The following STEAP2 variants were observed in gnomAD, a reference collection of about 807,000 sequenced individuals.
STEAP2 encodes metalloreductase STEAP2.
In STEAP2, 30 loss-of-function variants were observed where a neutral mutation model predicts 46.4. The observed-to-expected ratio is 0.65, with a 90% CI of 0.48 to 0.88. The LOEUF (loss-of-function observed/expected upper bound fraction) is 0.88. STEAP2 is among the 40% of genes least tolerant of loss of function. STEAP2 has a pLI of 0.00. For synonymous variants in STEAP2, 180 were observed against 200.5 expected (o/e 0.90, Z 0.86); for missense variants, 513 against 579.3 (o/e 0.89, Z 1.18).
intron 2 of STEAP2, among the ~76,000 whole-genome samples, chr7:90,224,008 T>A (rs1314611628): frequency 6.6e-6 from 1 of 152,194 alleles, no homozygotes; most frequent in Non-Finnish European, 1.5e-5. Flanking sequence ...TCTTCTCTTG[T>A]CTTGTGAGCC....
At position 90,234,518 on chromosome 7, in the gene STEAP2, C is replaced by T. The variant is rs1471950688; in HGVS notation, c.*1894C>T. The stretch of plus-strand genomic sequence containing the variant: ...TTCACTTATGATTTTCTAATGTTCT[C>T]TTGGTGAATTTTATTATCTTGTACC... On this transcript the variant is annotated 3_prime_UTR_variant, in exon 6 of 6. Transcript: ENST00000394621. The T allele has an allele frequency of 4.3e-6, 4 of 930,446 alleles. No homozygotes were observed. The highest frequency in any genetic ancestry group is 5.1e-6 in the Non-Finnish European group (4 of 786,924). 57.6% of individuals were successfully genotyped at this position (930,446 alleles called of 1,614,324 possible).
chr7:90,238,134 T>C, downstream of STEAP2: 1 of 713,778 alleles, frequency 1.4e-6, no homozygotes, highest in East Asian at 2.7e-5. Context: ...AAAGAGTTTC[T>C]GCTGCTGCTG....
In STEAP2 at chr7:90,236,562, C is replaced by CA. The variant is rs1315687929; in HGVS notation, c.*3940dup. The CA allele has an allele frequency of 9.6e-7, 1 of 1,040,314 alleles. No individual in the cohort carries two copies. The highest frequency in any genetic ancestry group is 5.5e-5 in the Admixed American group (1 of 18,324). 64.4% of individuals were successfully genotyped at this position (1,040,314 alleles called of 1,614,324 possible). On this transcript the variant is annotated 3_prime_UTR_variant, in exon 6 of 6. Coordinates refer to ENST00000394621, the MANE Select transcript of STEAP2 (RefSeq NM_001244944.2). ...AACTGTAATAATTTCAGTGGAAACT[C>CA]AATCTGTTTTTACCTTTAAACAGTG...
Position 90,234,728 on chromosome 7 carries a change from T to G in STEAP2, c.*2104T>G, listed in dbSNP as rs1202198972. On this transcript the variant is annotated 3_prime_UTR_variant, in exon 6 of 6. Transcript: ENST00000394621. ...ACCATGCCCGGCTGATTTCTTTTTG[T>G]ATTTTTAGTAGAGACGGAGTTTCAC... 1 of 489,962 alleles carries G rather than the reference T, an allele frequency of 2.0e-6. No homozygotes were observed. The highest frequency in any genetic ancestry group is 1.5e-4 in the East Asian group (1 of 6,642). 30.4% of individuals were successfully genotyped at this position (489,962 alleles called of 1,614,324 possible). A position where few individuals can be genotyped will look rare whatever the true frequency, so the allele number is the denominator to read the frequency against.
rs1795825736 is a variant in STEAP2, at chr7:90,233,037, C to A, written c.*413C>A. 25 of 967,888 alleles carry A rather than the reference C, an allele frequency of 2.6e-5. No individual in the cohort carries two copies. The highest frequency in any genetic ancestry group is 2.9e-5 in the Non-Finnish European group (24 of 813,868). 60.0% of individuals were successfully genotyped at this position (967,888 alleles called of 1,614,324 possible). A position where few individuals can be genotyped will look rare whatever the true frequency, so the allele number is the denominator to read the frequency against. ...GAAGATTAAGATTTTAATTATTCAA[C>A]TTAAAAAGTAGAAATGCATTATTAT... On this transcript the variant is annotated 3_prime_UTR_variant, in exon 6 of 6. Transcript: ENST00000394621.
intron 2 of STEAP2, among the ~76,000 whole-genome samples, chr7:90,222,367 C>G (rs1795287194): frequency 6.6e-6 from 1 of 152,084 alleles, no homozygotes; most frequent in African/African-American, 2.4e-5. Flanking sequence ...CTCTGAGGAG[C>G]AATGAAATGA....
intron 4 of STEAP2, among the ~76,000 whole-genome samples, 189 bp from the exon 5 acceptor site, chr7:90,229,683 C>A (rs1464787358): frequency 5.3e-5 from 8 of 152,118 alleles, no homozygotes; most frequent in African/African-American, 1.9e-4. Context: ...TTGTTTAATT[C>A]TCTTTTCCCT....
In STEAP2 at chr7:90,232,524, T is replaced by TA; in HGVS notation, c.1377dup (p.Arg460ThrfsTer3). The TA allele has an allele frequency of 6.2e-7, 1 of 1,613,692 alleles. No individual in the cohort carries two copies. Among genetic ancestry groups the TA allele is most frequent in the Non-Finnish European group, 8.5e-7 (1 of 1,179,748 alleles). ...TTCCTTCCATGTATAAGCCGAAAGC[T>TA]AAAACGAATTAAAAAAGGCTGGGAA... On this transcript the variant is annotated frameshift_variant, in exon 6 of 6. Transcript: ENST00000394621.
intron 5 of STEAP2, 115 bp from the exon 6 acceptor site, chr7:90,232,222 A>G: frequency 7.8e-7 from 1 of 1,280,360 alleles, no homozygotes. Context: ...TTGATAATTT[A>G]AGACAAAATA....
At position 90,227,052 on chromosome 7, in the gene STEAP2, T is replaced by C. The variant is rs769767790; in HGVS notation, c.574T>C (p.Leu192=). 6.2e-7 allele frequency: 1 copy of C among 1,613,656 alleles called. No individual in the cohort carries two copies. The highest frequency in any genetic ancestry group is 8.5e-7 in the Non-Finnish European group (1 of 1,179,770). The change falls in exon 4 of 6, where the codon TTG becomes CTG. Residue 192 remains leucine, a synonymous_variant. Coordinates refer to ENST00000394621, the MANE Select transcript of STEAP2 (RefSeq NM_001244944.2). ...CCAGTTGAATTTCATTCCCATTGAC[T>C]TGGGATCCTTATCATCAGCCAGAGA... is the stretch of plus-strand genomic sequence containing the variant. ...ARQLNFIPID[L]GSLSSAREIE...
At position 90,232,332 on chromosome 7, in the gene STEAP2, C is replaced by G. The variant is rs970772340; in HGVS notation, c.1186-5C>G. ...TGTTTCTTTTCCTTCCTCTCCTGGC[C>G]CAAGTCTACACTTGGATATGTCGCT... On this transcript the variant is annotated splice_polypyrimidine_tract_variant and splice_region_variant and intron_variant, in intron 5 of 5. Transcript: ENST00000394621. 14 of 1,577,578 alleles carry G rather than the reference C, an allele frequency of 8.9e-6. No individual in the cohort carries two copies. Among genetic ancestry groups the G allele is most frequent in the Non-Finnish European group, 1.2e-5 (14 of 1,159,898 alleles).
At position 90,236,518 on chromosome 7, in the gene STEAP2, A is replaced by C; in HGVS notation, c.*3894A>C. The stretch of plus-strand genomic sequence containing the variant: ...CAAATTCTGATGTACATTCAGGACA[A>C]ATGATTAGCCCTAAATGAAACTGTA... On this transcript the variant is annotated 3_prime_UTR_variant, in exon 6 of 6. Coordinates refer to ENST00000394621, the MANE Select transcript of STEAP2 (RefSeq NM_001244944.2). 1 of 1,018,084 alleles carries C rather than the reference A, an allele frequency of 9.8e-7. No homozygotes were observed. The highest frequency in any genetic ancestry group is 1.2e-6 in the Non-Finnish European group (1 of 850,636). 63.1% of individuals were successfully genotyped at this position (1,018,084 alleles called of 1,614,324 possible).
chr7:90,235,941 T>A lies in STEAP2; in HGVS notation c.*3317T>A. The A allele has an allele frequency of 1.0e-6, 1 of 984,144 alleles. No individual in the cohort carries two copies. 61.0% of individuals were successfully genotyped at this position (984,144 alleles called of 1,614,324 possible). A position where few individuals can be genotyped will look rare whatever the true frequency, so the allele number is the denominator to read the frequency against. Reference sequence around the variant, plus strand: ...GAGCTCTAGTGTTAAACTACCTGATTAATTTCTTATAAAGCAGCATAACCT... The same window carrying A: ...GAGCTCTAGTGTTAAACTACCTGATAAATTTCTTATAAAGCAGCATAACCT... On this transcript the variant is annotated 3_prime_UTR_variant, in exon 6 of 6. Transcript: ENST00000394621.
chr7:90,220,873 AT>A (rs76472156), intron 2 of STEAP2, among the ~76,000 whole-genome samples: 23,244 of 151,846 alleles, frequency 0.15, 2,802 homozygotes, highest in East Asian at 0.65. Flanking sequence ...TCCTTAATTT[AT>A]TCTTTGCCCC....
intron 2 of STEAP2, among the ~76,000 whole-genome samples, chr7:90,218,430 C>A (rs770601047): frequency 6.6e-6 from 1 of 151,926 alleles, no homozygotes. Flanking sequence ...GTTGACCTTG[C>A]GTTGATTTTT....
rs769016230 is a variant in STEAP2 at position 90,225,374 on chromosome 7, T to C, written c.292T>C (p.Tyr98His). ...ATTTGTTGCTATACACAGAGAACAT[T>C]ATACCTCCCTGTGGGACCTGAGACA... The part of the protein sequence containing the change: ...IIFVAIHREH[Y>H]TSLWDLRHLL... Residue 98 changes from tyrosine to histidine, a missense_variant, in exon 3 of 6, where the codon TAT becomes CAT. Tyr to His is a moderately conservative substitution (Grantham distance 83). Transcript: ENST00000394621. The C allele has an allele frequency of 6.2e-7, 1 of 1,613,888 alleles. No homozygotes were observed. The highest frequency in any genetic ancestry group is 1.3e-5 in the African/African-American group (1 of 75,024).
At chr7:90,241,128 T>C (rs573823394), downstream of STEAP2, among the ~76,000 whole-genome samples, 1 of 152,006 alleles carries the variant, frequency 6.6e-6, no homozygotes, top group Non-Finnish European at 1.5e-5. Context: ...TGGATGCTGT[T>C]AAAACTACTC....
At chr7:90,214,798 T>A (rs184056408) in intron 1 of STEAP2, among the ~76,000 whole-genome samples, 444 of 152,218 alleles carry the variant, frequency 2.9e-3, no homozygotes, top group Middle Eastern at 0.014. Flanking sequence ...TAAACTAAGA[T>A]TATTGGAAGT....
chr7:90,220,217 C>T (rs569244628), intron 2 of STEAP2, among the ~76,000 whole-genome samples: 1 of 152,272 alleles, frequency 6.6e-6, no homozygotes, highest in African/African-American at 2.4e-5. Context: ...GGTGTTAGGT[C>T]TGTTTTGAAA....
Sources: allele counts gnomAD v4.1 joint callset (sites outside exome capture counted in the v4.1 genomes callset), GRCh38; gene constraint gnomAD v4.1.1; transcripts MANE v1.5; gene names NCBI Gene and HGNC (gene_info 2026-07-23, HGNC 2026-07-21).